Variants in NME7 observed in about 807,000 individuals in gnomAD.
The protein encoded by NME7 is NME/NM23 family member 7, also known as nucleoside diphosphate kinase 7.
NME7 carries 41 observed loss-of-function variants against 49.1 expected under a neutral mutation model. The ratio of observed to expected loss-of-function variants is 0.83; its 90% CI spans 0.65 to 1.08. NME7 has a LOEUF of 1.08. Among genes scored for constraint, NME7 ranks in the 50% least tolerant of loss-of-function variants. The probability of loss-of-function intolerance (pLI) is 0.00; values close to 1 mark genes in which losing one functional copy is unlikely to be tolerated. For missense variants in NME7, 423 were observed against 463.4 expected, an observed-to-expected ratio of 0.91 and a Z score of 0.80; for synonymous variants, 139 against 150.6, an observed-to-expected ratio of 0.92 and a Z score of 0.56.
intron 10 of NME7, among the ~76,000 whole-genome samples, chr1:169,171,347 G>C (rs577399305): frequency 6.6e-6 from 1 of 151,068 alleles, no homozygotes; most frequent in South Asian, 2.1e-4. Context: ...AGCCTGGGTT[G>C]TCAGACAGAG....
Position 169,286,970 on chromosome 1 carries a change from A to AAAAAAAAAAT in NME7, c.754+332_754+333insATTTTTTTTT, listed in dbSNP as rs1650298632. On this transcript the variant is annotated intron_variant, in intron 7 of 11. Coordinates refer to ENST00000367811, the MANE Select transcript of NME7 (RefSeq NM_013330.5). ...CTCTGTCTCAAAAAAAAAAAAAAAAAGTGCTATTGAAGTAAATTAAGTGAA... is the reference window on the plus strand; with the variant it reads ...CTCTGTCTCAAAAAAAAAAAAAAAAAAAAAAAAAATGTGCTATTGAAGTAAATTAAGTGAA... 4 of 194,086 alleles carry AAAAAAAAAAT rather than the reference A, an allele frequency of 2.1e-5. 1 individual carries two copies. The highest frequency in any genetic ancestry group is 2.9e-4 in the East Asian group (2 of 6,938). The allele number at this position is 194,086 out of a possible 1,614,324, so 12.0% of individuals were successfully genotyped here.
In NME7 at chr1:169,351,308, A is replaced by G. The variant is rs1284097796; in HGVS notation, c.3+16400T>C. On this transcript the variant is annotated intron_variant, in intron 1 of 11. Transcript: ENST00000367811. ...GATCTAAGACTTTATGACTTGAATG[A>G]CCAGTGGGTCAATGAAGAAATTAAA... Among the ~76,000 whole-genome samples the G allele has an allele frequency of 2.0e-5, 3 of 152,218 alleles. No individual in the cohort carries two copies. The East Asian group carries it at 5.8e-4, about 29-fold the overall frequency.
intron 1 of NME7, among the ~76,000 whole-genome samples, chr1:169,336,314 AGCTTCCACAGTGTGGAAGGGGACCTTC>A (rs1652472103): frequency 6.6e-6 from 1 of 151,706 alleles, no homozygotes; most frequent in African/African-American, 2.4e-5. Flanking sequence ...GAAAGAACAA[AGCTTCCACAGTGTGGAAGGGGACCTTC>A]CCTTCCACAG....
At chr1:169,177,904 G>C (rs892294578) in intron 10 of NME7, among the ~76,000 whole-genome samples, 6 of 151,804 alleles carry the variant, frequency 4.0e-5, no homozygotes, top group Admixed American at 1.3e-4. Context: ...TGGCGTGATC[G>C]CGGCTCACTG....
At chr1:169,253,222 T>A (rs1648718481) in intron 7 of NME7, among the ~76,000 whole-genome samples, 1 of 148,212 alleles carries the variant, frequency 6.7e-6, no homozygotes, top group Non-Finnish European at 1.5e-5. Flanking sequence ...TTTGTTTGTA[T>A]CCTCTTTTAT....
intron 1 of NME7, among the ~76,000 whole-genome samples, chr1:169,362,478 G>A (rs1653696144): frequency 6.6e-6 from 1 of 152,170 alleles, no homozygotes; most frequent in African/African-American, 2.4e-5. Flanking sequence ...CATCTTAAAT[G>A]AGGTGTATGA....
At chr1:169,332,173 C>T (rs1441433767) in intron 1 of NME7, among the ~76,000 whole-genome samples, 2 of 152,020 alleles carry the variant, frequency 1.3e-5, no homozygotes, top group East Asian at 3.9e-4. Flanking sequence ...CACACACCTA[C>T]AGCGAACCCA....
At chr1:169,212,437 T>C (rs1005569822) in intron 10 of NME7, among the ~76,000 whole-genome samples, 1 of 151,996 alleles carries the variant, frequency 6.6e-6, no homozygotes, top group Non-Finnish European at 1.5e-5. Context: ...CCAAAATCAA[T>C]ATTAATAGCA....
chr1:169,210,951 C>T (rs1660795786), intron 10 of NME7, among the ~76,000 whole-genome samples: 1 of 151,928 alleles, frequency 6.6e-6, no homozygotes, highest in African/African-American at 2.4e-5. Context: ...TATCATATTC[C>T]TACCATAGTC....
At position 169,235,683 on chromosome 1, in the gene NME7, A is replaced by G. The variant is rs147586463; in HGVS notation, c.820-484T>C. 6.4e-3 allele frequency among the ~76,000 whole-genome samples: 982 copies of G among 152,252 alleles called. 6 individuals carry two copies. Among genetic ancestry groups the G allele is most frequent in the Middle Eastern group, 0.014 (4 of 294 alleles). Reference sequence around the variant, plus strand: ...GCACAAGAAAGAAATATTACTAAAGAAAAGTAGTTCAGACTTTTAGAGGAA... The same window carrying G: ...GCACAAGAAAGAAATATTACTAAAGGAAAGTAGTTCAGACTTTTAGAGGAA... On this transcript the variant is annotated intron_variant, in intron 8 of 11. Coordinates refer to ENST00000367811, the MANE Select transcript of NME7 (RefSeq NM_013330.5).
rs12757427 is a variant in NME7, at chr1:169,254,921, G to C, written c.755-17234C>G. Among the ~76,000 whole-genome samples the C allele has an allele frequency of 0.011, 1,350 of 123,188 alleles. 57 individuals carry two copies. In the East Asian group the frequency reaches 0.21, roughly 19 times the overall value. 80.8% of individuals were successfully genotyped at this position (123,188 alleles called of 152,430 possible). The stretch of plus-strand genomic sequence containing the variant: ...AGTTCTAGTTTGATTGCACTGTGGT[G>C]TGAGAGATAGTTTGTTATAATTTCT... On this transcript the variant is annotated intron_variant, in intron 7 of 11. Coordinates refer to ENST00000367811, the MANE Select transcript of NME7 (RefSeq NM_013330.5).
At chr1:169,349,242 C>A (rs1009548622) in intron 1 of NME7, among the ~76,000 whole-genome samples, 1 of 152,048 alleles carries the variant, frequency 6.6e-6, no homozygotes, top group African/African-American at 2.4e-5. Flanking sequence ...TTTAATATAT[C>A]CCCTCCAGTC....
At chr1:169,247,080 C>A in intron 7 of NME7, 1 of 456,172 alleles carries the variant, frequency 2.2e-6, no homozygotes, top group Non-Finnish European at 4.4e-6. Flanking sequence ...AAGACAGGCT[C>A]AGCATGCAAA....
At chr1:169,230,497 C>T (rs559693066) in intron 10 of NME7, among the ~76,000 whole-genome samples, 3 of 152,214 alleles carry the variant, frequency 2.0e-5, no homozygotes, top group Non-Finnish European at 2.9e-5. Context: ...ATAGTAAATG[C>T]TTCTGCCTAT....
chr1:169,168,933 C>A (rs1659495835), intron 11 of NME7: 1 of 453,644 alleles, frequency 2.2e-6, no homozygotes, highest in Non-Finnish European at 4.4e-6. Context: ...ATAAGTGGAC[C>A]AGCACAGTTC....
At chr1:169,257,818 C>A (rs1649018000) in intron 7 of NME7, among the ~76,000 whole-genome samples, 1 of 133,572 alleles carries the variant, frequency 7.5e-6, no homozygotes, top group African/African-American at 2.5e-5. Context: ...ATACAAAATT[C>A]TTGACTGACA....
At chr1:169,278,231 C>T (rs1649829331) in intron 7 of NME7, among the ~76,000 whole-genome samples, 1 of 148,186 alleles carries the variant, frequency 6.7e-6, no homozygotes, top group South Asian at 2.1e-4. Context: ...TGAATGTTGG[C>T]CTGCCTTGCT....
intron 1 of NME7, among the ~76,000 whole-genome samples, chr1:169,367,401 G>GA (rs1412993697): frequency 6.6e-6 from 1 of 152,182 alleles, no homozygotes; most frequent in Non-Finnish European, 1.5e-5. Flanking sequence ...CTGTGAACAT[G>GA]AAAAATGCCA....
chr1:169,367,085 G>A (rs1653894873), intron 1 of NME7, among the ~76,000 whole-genome samples: 1 of 151,876 alleles, frequency 6.6e-6, no homozygotes, highest in Admixed American at 6.6e-5. Context: ...TTCCAGGGGT[G>A]AAGCCCAAAC....
Sources: allele counts gnomAD v4.1 joint callset (sites outside exome capture counted in the v4.1 genomes callset), GRCh38; gene constraint gnomAD v4.1.1; transcripts MANE v1.5; gene names NCBI Gene and HGNC (gene_info 2026-07-23, HGNC 2026-07-21).